The following MCTP1 variants were observed in gnomAD, a reference collection of about 807,000 sequenced individuals.
MCTP1 encodes multiple C2 and transmembrane domain-containing protein 1.
MCTP1 carries 69 observed loss-of-function variants against 120.6 expected under a neutral mutation model. That is an observed-to-expected ratio of 0.57 (90% confidence interval 0.47 to 0.70). The LOEUF (loss-of-function observed/expected upper bound fraction) is 0.70, where lower values mean the gene tolerates loss of function less well. Among genes scored for constraint, MCTP1 ranks in the 30% least tolerant of loss-of-function variants. MCTP1 has a pLI of 0.00. For synonymous variants in MCTP1, 529 were observed against 493.1 expected (o/e 1.07, Z -0.96); for missense variants, 1,203 against 1,248.8 (o/e 0.96, Z 0.55).
At chr5:94,959,276 T>C (rs1232679195) in intron 2 of MCTP1, among the ~76,000 whole-genome samples, 1 of 152,096 alleles carries the variant, frequency 6.6e-6, no homozygotes, top group African/African-American at 2.4e-5. Flanking sequence ...TATCTCAAAA[T>C]AATAAGAGAT....
rs538749974 is a variant in MCTP1 at position 95,239,663 on chromosome 5, A to G, written c.720+44193T>C. 8.5e-5 allele frequency among the ~76,000 whole-genome samples: 13 copies of G among 152,290 alleles called. No homozygotes were observed. In the South Asian group the frequency reaches 2.7e-3, roughly 32 times the overall value. On this transcript the variant is annotated intron_variant, in intron 1 of 22. Transcript: ENST00000515393. The stretch of plus-strand genomic sequence containing the variant: ...TCTCTTGATATAGGTATTTTCCAGT[A>G]TTAAGTTACAGAAACTCCTGGGTAC...
At chr5:94,935,767 A>C (rs1816035593) in intron 5 of MCTP1, among the ~76,000 whole-genome samples, 1 of 152,036 alleles carries the variant, frequency 6.6e-6, no homozygotes, top group Non-Finnish European at 1.5e-5. Context: ...ATTTGCCTTT[A>C]TTCCTTTCTT....
At chr5:95,039,699 A>T (rs1352317882) in intron 1 of MCTP1, among the ~76,000 whole-genome samples, 1 of 152,188 alleles carries the variant, frequency 6.6e-6, no homozygotes, top group Non-Finnish European at 1.5e-5. Context: ...ATGTGAAAGC[A>T]GGATCTGCTA....
intron 17 of MCTP1, among the ~76,000 whole-genome samples, chr5:94,862,576 A>C (rs954206985): frequency 1.3e-5 from 2 of 151,760 alleles, no homozygotes; most frequent in Admixed American, 6.6e-5. Flanking sequence ...TGGTTCTGTT[A>C]TTATCTGGCT....
At chr5:94,909,425 A>G (rs193258831) in intron 9 of MCTP1, 44 bp from the exon 10 acceptor site, 26 of 1,559,356 alleles carry the variant, frequency 1.7e-5, no homozygotes, top group Non-Finnish European at 2.2e-5. Context: ...GCAGCTTTTT[A>G]AAAAAAACTT....
At chr5:94,898,731 C>T (rs1299957973) in intron 10 of MCTP1, among the ~76,000 whole-genome samples, 1 of 152,122 alleles carries the variant, frequency 6.6e-6, no homozygotes, top group South Asian at 2.1e-4. Flanking sequence ...TTTATGAATT[C>T]CAAAAATATG....
intron 2 of MCTP1, among the ~76,000 whole-genome samples, chr5:94,999,675 T>TA (rs1437789956): frequency 6.6e-6 from 1 of 152,190 alleles, no homozygotes; most frequent in African/African-American, 2.4e-5. Context: ...ATGGAAGAAA[T>TA]AACACTTTTA....
chr5:95,056,374 G>A (rs996479732), intron 1 of MCTP1, among the ~76,000 whole-genome samples: 1 of 152,100 alleles, frequency 6.6e-6, no homozygotes, highest in African/African-American at 2.4e-5. Context: ...ATCAGATCAC[G>A]GTAGTTAAGC....
intron 1 of MCTP1, among the ~76,000 whole-genome samples, chr5:95,271,061 C>G (rs557414187): frequency 6.6e-6 from 1 of 152,150 alleles, no homozygotes; most frequent in South Asian, 2.1e-4. Context: ...GCTCACACAA[C>G]AAATTTCTGG....
At chr5:94,956,317 C>T (rs924766794) in intron 2 of MCTP1, among the ~76,000 whole-genome samples, 2 of 132,552 alleles carry the variant, frequency 1.5e-5, no homozygotes, top group Non-Finnish European at 1.7e-5. Flanking sequence ...AAAAAAACAG[C>T]GCAAAAAGGC....
chr5:94,827,775 A>G lies in MCTP1; in HGVS notation c.2437-28643T>C, dbSNP rs558847518. ...TTGGTTTTGGGATTGATACTTGTGT[A>G]TGCCTCACGAAGTTCTTGTGGTGTG... On this transcript the variant is annotated intron_variant, in intron 17 of 22. Transcript: ENST00000515393. 4.0e-5 allele frequency among the ~76,000 whole-genome samples: 6 copies of G among 151,440 alleles called. No individual in the cohort carries two copies. In the South Asian group the frequency reaches 1.3e-3, roughly 32 times the overall value.
chr5:95,087,366 G>A (rs920879176), intron 1 of MCTP1, among the ~76,000 whole-genome samples: 7 of 152,194 alleles, frequency 4.6e-5, no homozygotes, highest in African/African-American at 1.7e-4. Context: ...ATGCCTGAAG[G>A]CACACACATT....
At chr5:94,873,380 G>A in intron 12 of MCTP1, 139 bp from the exon 13 acceptor site, 1 of 509,072 alleles carries the variant, frequency 2.0e-6, no homozygotes, top group Non-Finnish European at 3.4e-6. Context: ...ATTAAAAAAA[G>A]AAACCACCAT....
intron 20 of MCTP1, among the ~76,000 whole-genome samples, chr5:94,712,282 T>TC (rs1416106545): frequency 6.6e-6 from 1 of 152,138 alleles, no homozygotes; most frequent in Non-Finnish European, 1.5e-5. Flanking sequence ...ACTCAAGGAA[T>TC]CTCATTTATG....
At chr5:94,852,690 T>C (rs1460789029) in intron 17 of MCTP1, among the ~76,000 whole-genome samples, 2 of 151,990 alleles carry the variant, frequency 1.3e-5, no homozygotes, top group Admixed American at 6.6e-5. Context: ...TTGCAGACTA[T>C]ATTTAACATT....
At position 94,984,407 on chromosome 5, in the gene MCTP1, A is replaced by G. The variant is rs567501088; in HGVS notation, c.839-31046T>C. Among the ~76,000 whole-genome samples, 7 of 152,318 alleles carry G rather than the reference A, an allele frequency of 4.6e-5. No individual in the cohort carries two copies. The South Asian group carries it at 1.0e-3, about 23-fold the overall frequency. ...TTGCAGGAACAAATGAACATGGTAT[A>G]CGTTTAGGAAATCTATGAAAACCAC... On this transcript the variant is annotated intron_variant, in intron 2 of 22. Transcript: ENST00000515393.
chr5:94,919,574 A>C (rs1811014013), intron 7 of MCTP1, among the ~76,000 whole-genome samples: 1 of 152,194 alleles, frequency 6.6e-6, no homozygotes, highest in Admixed American at 6.5e-5. Flanking sequence ...GTTTACAATA[A>C]GCCATGTGTG....
intron 3 of MCTP1, among the ~76,000 whole-genome samples, chr5:94,946,602 G>T (rs1818986809): frequency 6.6e-6 from 1 of 152,158 alleles, no homozygotes; most frequent in African/African-American, 2.4e-5. Flanking sequence ...GCTAAAGCTA[G>T]TTGACACCCA....
chr5:94,833,439 C>A (rs544761854), intron 17 of MCTP1, among the ~76,000 whole-genome samples: 5 of 152,004 alleles, frequency 3.3e-5, no homozygotes, highest in East Asian at 3.9e-4. Flanking sequence ...ATAAATTATG[C>A]GTAATATGGC....
Sources: allele counts gnomAD v4.1 joint callset (sites outside exome capture counted in the v4.1 genomes callset), GRCh38; gene constraint gnomAD v4.1.1; transcripts MANE v1.5; gene names NCBI Gene and HGNC (gene_info 2026-07-23, HGNC 2026-07-21).